The following SLC25A21 variants were observed in gnomAD, a reference collection of about 807,000 sequenced individuals.
SLC25A21 encodes the protein solute carrier family 25 member 21, also known as mitochondrial 2-oxodicarboxylate carrier.
Under a neutral mutation model 43.8 loss-of-function variants are expected in SLC25A21, and 47 were observed. The observed-to-expected ratio is 1.07, with a 90% confidence interval of 0.85 to 1.37. The LOEUF (loss-of-function observed/expected upper bound fraction) is 1.37, where lower values mean the gene tolerates loss of function less well. Ranked by LOEUF, SLC25A21 falls within the 40% of genes most tolerant of loss-of-function variation. SLC25A21 has a pLI of 0.00. For missense variants in SLC25A21, 352 were observed against 350.2 expected, an observed-to-expected ratio of 1.00 and a Z score of -0.04; for synonymous variants, 131 against 121.3, an observed-to-expected ratio of 1.08 and a Z score of -0.52.
intron 1 of SLC25A21, among the ~76,000 whole-genome samples, chr14:36,976,842 G>C (rs1959884971): frequency 6.6e-6 from 1 of 152,210 alleles, no homozygotes; most frequent in Non-Finnish European, 1.5e-5. Flanking sequence ...CTTGCTTTGA[G>C]AGCCTTGCTT....
chr14:36,929,910 A>AGAAGCCGTGTAGCTTCCACCTGGT (rs1892242375), intron 1 of SLC25A21, among the ~76,000 whole-genome samples: 1 of 152,190 alleles, frequency 6.6e-6, no homozygotes, highest in East Asian at 1.9e-4. Context: ...TTGGGTTATT[A>AGAAGCCGTGTAGCTTCCACCTGGT]GAAGCCGTGT....
intron 2 of SLC25A21, among the ~76,000 whole-genome samples, chr14:36,818,969 T>C (rs553403196): frequency 5.1e-4 from 78 of 152,310 alleles, no homozygotes; most frequent in African/African-American, 1.7e-3. Flanking sequence ...GAAGACAGGG[T>C]TGGACTTCTC....
intron 1 of SLC25A21, among the ~76,000 whole-genome samples, chr14:37,120,877 GTAT>G (rs1170568169): frequency 6.6e-6 from 1 of 152,022 alleles, no homozygotes; most frequent in African/African-American, 2.4e-5. Context: ...GTCCTAATTG[GTAT>G]AAGTACTGCC....
intron 7 of SLC25A21, among the ~76,000 whole-genome samples, chr14:36,688,352 C>T (rs921471099): frequency 1.3e-5 from 2 of 152,336 alleles, no homozygotes; most frequent in Non-Finnish European, 2.9e-5. Flanking sequence ...GTGTATCTCT[C>T]TTCCCTGCAG....
intron 1 of SLC25A21, among the ~76,000 whole-genome samples, chr14:36,897,018 T>C (rs181735577): frequency 6.6e-6 from 1 of 152,318 alleles, no homozygotes; most frequent in Non-Finnish European, 1.5e-5. Flanking sequence ...TTATGTGTCT[T>C]GGAGCTGCTC....
chr14:37,114,892 T>G (rs1370595175), intron 1 of SLC25A21, among the ~76,000 whole-genome samples: 1 of 152,148 alleles, frequency 6.6e-6, no homozygotes, highest in African/African-American at 2.4e-5. Flanking sequence ...TCTATGGTAG[T>G]CTGAAAAAAT....
At chr14:37,033,989 T>C (rs1961273288) in intron 1 of SLC25A21, among the ~76,000 whole-genome samples, 1 of 151,876 alleles carries the variant, frequency 6.6e-6, no homozygotes, top group African/African-American at 2.4e-5. Context: ...AATGGCACTA[T>C]GATATTCTGG....
At chr14:36,693,782 G>A (rs1004568158) in intron 7 of SLC25A21, among the ~76,000 whole-genome samples, 1 of 152,010 alleles carries the variant, frequency 6.6e-6, no homozygotes, top group African/African-American at 2.4e-5. Flanking sequence ...ACAGGTGTGA[G>A]CCAGCATGCT....
At chr14:36,846,356 T>G (rs1889542272) in intron 2 of SLC25A21, among the ~76,000 whole-genome samples, 1 of 152,172 alleles carries the variant, frequency 6.6e-6, no homozygotes, top group South Asian at 2.1e-4. Flanking sequence ...AAACCCATCA[T>G]CATTTCCATT....
intron 1 of SLC25A21, among the ~76,000 whole-genome samples, chr14:37,167,011 A>G (rs889569406): frequency 1.3e-5 from 2 of 152,188 alleles, no homozygotes; most frequent in Admixed American, 1.3e-4. Flanking sequence ...TCAAAAAAGA[A>G]AAAAAGTAAG....
At chr14:36,777,878 T>A (rs1458386438) in intron 3 of SLC25A21, among the ~76,000 whole-genome samples, 1 of 152,226 alleles carries the variant, frequency 6.6e-6, no homozygotes, top group East Asian at 1.9e-4. Flanking sequence ...TTGTTCTGTT[T>A]AATTCCCTTC....
intron 3 of SLC25A21, among the ~76,000 whole-genome samples, chr14:36,773,933 G>T (rs848119): frequency 0.16 from 24,074 of 152,186 alleles, 2,194 homozygotes; most frequent in Middle Eastern, 0.25. Context: ...TTTTTGTAAT[G>T]AATACACATG....
At chr14:36,726,649 G>A (rs991717704) in intron 5 of SLC25A21, among the ~76,000 whole-genome samples, 1 of 152,156 alleles carries the variant, frequency 6.6e-6, no homozygotes, top group Non-Finnish European at 1.5e-5. Flanking sequence ...ATGCTTGTGT[G>A]TTTTCCAGAA....
At chr14:36,814,879 T>C (rs820578) in intron 2 of SLC25A21, among the ~76,000 whole-genome samples, 106,849 of 152,068 alleles carry the variant, frequency 0.7, 39,075 homozygotes, top group East Asian at 1. Flanking sequence ...TGTGTGTTTA[T>C]TGCAGCACTA....
chr14:36,932,857 G>A (rs79548264), intron 1 of SLC25A21, among the ~76,000 whole-genome samples: 2,628 of 151,762 alleles, frequency 0.017, 70 homozygotes, highest in African/African-American at 0.059. Flanking sequence ...TGACTATTTC[G>A]TGACTCCATT....
chr14:37,041,075 A>C (rs1214037343), intron 1 of SLC25A21, among the ~76,000 whole-genome samples: 3 of 152,150 alleles, frequency 2.0e-5, no homozygotes, highest in Non-Finnish European at 4.4e-5. Flanking sequence ...GAAGATAGAG[A>C]GTGAAAAAGA....
intron 1 of SLC25A21, among the ~76,000 whole-genome samples, chr14:37,085,714 T>A (rs1594785645): frequency 6.6e-6 from 1 of 152,056 alleles, no homozygotes; most frequent in East Asian, 1.9e-4. Flanking sequence ...GTGTAGATTA[T>A]CCCAGAATTA....
chr14:36,749,474 C>T (rs1192410411), intron 3 of SLC25A21, among the ~76,000 whole-genome samples: 4 of 152,094 alleles, frequency 2.6e-5, no homozygotes, highest in Admixed American at 6.5e-5. Context: ...CCAAGCAGTA[C>T]CAGAATGCTC....
chr14:37,112,000 C>A (rs1963028378), intron 1 of SLC25A21, among the ~76,000 whole-genome samples: 1 of 152,176 alleles, frequency 6.6e-6, no homozygotes, highest in Non-Finnish European at 1.5e-5. Flanking sequence ...TCTGGCAATA[C>A]TGTAGGTACT....
Sources: allele counts gnomAD v4.1 joint callset (sites outside exome capture counted in the v4.1 genomes callset), GRCh38; gene constraint gnomAD v4.1.1; transcripts MANE v1.5; gene names NCBI Gene and HGNC (gene_info 2026-07-23, HGNC 2026-07-21).